Variants in NCKAP5 observed in about 807,000 individuals in gnomAD.
NCKAP5 encodes the protein nck-associated protein 5.
In NCKAP5, 92 loss-of-function variants were observed where a neutral mutation model predicts 167.0. The ratio of observed to expected loss-of-function variants is 0.55; its 90% CI spans 0.47 to 0.66. The LOEUF is 0.66. Ranked by LOEUF, NCKAP5 falls within the 30% of genes least tolerant of loss-of-function variation. The pLI is 0.00. For missense variants in NCKAP5, 2,378 were observed against 2,315.0 expected, an observed-to-expected ratio of 1.03 and a Z score of -0.56; for synonymous variants, 891 against 877.4, an observed-to-expected ratio of 1.02 and a Z score of -0.27.
chr2:132,699,871 T>C (rs1687712713), intron 19 of NCKAP5, among the ~76,000 whole-genome samples: 1 of 152,206 alleles, frequency 6.6e-6, no homozygotes, highest in South Asian at 2.1e-4. Context: ...GGTCAAATGA[T>C]ATTTCTAGTT....
the NCKAP5 span, among the ~76,000 whole-genome samples, chr2:133,674,061 T>C: frequency 6.6e-6 from 1 of 152,156 alleles, no homozygotes; most frequent in Non-Finnish European, 1.5e-5. Context: ...ACCACAGAAA[T>C]CATGCAACTG....
At chr2:133,276,033 C>T (rs2089714358) in intron 4 of NCKAP5, among the ~76,000 whole-genome samples, 1 of 151,954 alleles carries the variant, frequency 6.6e-6, no homozygotes, top group Non-Finnish European at 1.5e-5. Context: ...GCAAGACCAA[C>T]TCTTCCTCTT....
intron 11 of NCKAP5, among the ~76,000 whole-genome samples, chr2:132,827,666 T>G (rs1687224960): frequency 6.6e-6 from 1 of 152,122 alleles, no homozygotes; most frequent in Admixed American, 6.5e-5. Context: ...GGCTCCAGAG[T>G]GTGTGTGCTT....
At chr2:133,401,561 G>T (rs1043945362) in intron 3 of NCKAP5, among the ~76,000 whole-genome samples, 2 of 152,162 alleles carry the variant, frequency 1.3e-5, no homozygotes, top group African/African-American at 4.8e-5. Flanking sequence ...TCCACTTGGT[G>T]TCTAGAGAGT....
intron 19 of NCKAP5, among the ~76,000 whole-genome samples, chr2:132,686,512 G>C (rs556751128): frequency 2.0e-5 from 3 of 152,152 alleles, no homozygotes; most frequent in African/African-American, 7.2e-5. Flanking sequence ...AGTCTCCCTT[G>C]TAGGGACTGA....
chr2:133,099,020 A>G (rs2081424358), intron 6 of NCKAP5, among the ~76,000 whole-genome samples: 1 of 152,210 alleles, frequency 6.6e-6, no homozygotes, highest in Admixed American at 6.5e-5. Context: ...ATGTACCTAA[A>G]AATGGGCATT....
chr2:133,570,699 C>T (rs878958376), upstream of NCKAP5, among the ~76,000 whole-genome samples: 3 of 152,168 alleles, frequency 2.0e-5, no homozygotes, highest in Admixed American at 2.0e-4. Flanking sequence ...AAGTGTGAGC[C>T]GCTTCGGTTC....
At chr2:133,386,587 A>C (rs577950837) in intron 3 of NCKAP5, among the ~76,000 whole-genome samples, 7 of 152,260 alleles carry the variant, frequency 4.6e-5, no homozygotes, top group Admixed American at 4.6e-4. Flanking sequence ...AGCTGAGTTC[A>C]ATTCTTGGAT....
chr2:133,412,738 A>C (rs1479888367), intron 3 of NCKAP5, among the ~76,000 whole-genome samples: 2 of 152,234 alleles, frequency 1.3e-5, no homozygotes, highest in Non-Finnish European at 2.9e-5. Flanking sequence ...GGCAACTTTT[A>C]AATCAGTATC....
intron 2 of NCKAP5, among the ~76,000 whole-genome samples, chr2:133,521,679 AG>A: frequency 6.6e-6 from 1 of 152,188 alleles, no homozygotes; most frequent in East Asian, 1.9e-4. Flanking sequence ...TCTTCCTCTA[AG>A]GACACCAGTT....
At position 132,793,831 on chromosome 2, in the gene NCKAP5, C is replaced by A. The variant is rs149946447; in HGVS notation, c.909+2797G>T. 4.4e-4 allele frequency among the ~76,000 whole-genome samples: 67 copies of A among 152,298 alleles called. 1 individual carries two copies. The highest frequency in any genetic ancestry group is 1.3e-3 in the African/African-American group (55 of 41,564). On this transcript the variant is annotated intron_variant, in intron 12 of 19. Coordinates refer to ENST00000409261, the MANE Select transcript of NCKAP5 (RefSeq NM_207363.3). ...TTTCTACTGGGAAATTCTCCCACTT[C>A]CCCCACCTTGGAAAATCAATGTTTG...
At chr2:133,585,482 C>T in the NCKAP5 span, among the ~76,000 whole-genome samples, 1 of 152,194 alleles carries the variant, frequency 6.6e-6, no homozygotes, top group South Asian at 2.1e-4. Flanking sequence ...TTTGAAACAT[C>T]TTGGTTGAGT....
chr2:133,594,057 A>G, the NCKAP5 span, among the ~76,000 whole-genome samples: 6 of 152,218 alleles, frequency 3.9e-5, no homozygotes, highest in African/African-American at 9.6e-5. Flanking sequence ...AACTCCAATT[A>G]GTAACATTGT....
At chr2:132,794,419 G>A (rs1435432537) in intron 12 of NCKAP5, among the ~76,000 whole-genome samples, 1 of 150,274 alleles carries the variant, frequency 6.7e-6, no homozygotes, top group African/African-American at 2.4e-5. Context: ...GATTGACTGA[G>A]GTCAGGAGTT....
At chr2:133,473,120 T>C (rs1170570998) in intron 3 of NCKAP5, among the ~76,000 whole-genome samples, 1 of 152,090 alleles carries the variant, frequency 6.6e-6, no homozygotes, top group Non-Finnish European at 1.5e-5. Flanking sequence ...GATCATGAGG[T>C]CAGGAGATCG....
At chr2:133,281,641 T>C (rs898609335) in intron 4 of NCKAP5, among the ~76,000 whole-genome samples, 1 of 152,238 alleles carries the variant, frequency 6.6e-6, no homozygotes, top group East Asian at 1.9e-4. Context: ...AACTATATTC[T>C]AGGAACTTAA....
At chr2:133,199,987 G>A (rs11677259) in intron 5 of NCKAP5, among the ~76,000 whole-genome samples, 60,782 of 149,884 alleles carry the variant, frequency 0.41, 13,976 homozygotes, top group Non-Finnish European at 0.51. Flanking sequence ...ATATGAAACC[G>A]AAGACCCAAC....
At position 133,530,501 on chromosome 2, in the gene NCKAP5, A is replaced by G. The variant is rs542788255; in HGVS notation, c.-61-12914T>C. Among the ~76,000 whole-genome samples, 6 of 152,324 alleles carry G rather than the reference A, an allele frequency of 3.9e-5. No homozygotes were observed. In the South Asian group the frequency reaches 1.2e-3, roughly 32 times the overall value. On this transcript the variant is annotated intron_variant, in intron 2 of 19. Transcript: ENST00000409261. Reference sequence around the variant, plus strand: ...AATTGGATTGAATTTAAATTTACAGATTATTTAGGAGAGAATTTACATCAT... The same window carrying G: ...AATTGGATTGAATTTAAATTTACAGGTTATTTAGGAGAGAATTTACATCAT...
At chr2:133,616,884 C>A in the NCKAP5 span, among the ~76,000 whole-genome samples, 2 of 152,150 alleles carry the variant, frequency 1.3e-5, no homozygotes, top group African/African-American at 2.4e-5. Context: ...CTTGATGAAC[C>A]TTGATGTGAA....
Sources: allele counts gnomAD v4.1 joint callset (sites outside exome capture counted in the v4.1 genomes callset), GRCh38; gene constraint gnomAD v4.1.1; transcripts MANE v1.5; gene names NCBI Gene and HGNC (gene_info 2026-07-23, HGNC 2026-07-21).